The following CD8B variants were observed in gnomAD, a reference collection of about 807,000 sequenced individuals.
CD8B encodes T-cell surface glycoprotein CD8 beta chain.
Under a neutral mutation model 24.2 loss-of-function variants are expected in CD8B, and 6 were observed. The ratio of observed to expected loss-of-function variants is 0.25; its 90% CI spans 0.14 to 0.49. The LOEUF (loss-of-function observed/expected upper bound fraction) is 0.49. Ranked by LOEUF, CD8B falls within the 20% of genes least tolerant of loss-of-function variation. The pLI is 0.98. For missense variants in CD8B, 196 were observed against 271.3 expected, an observed-to-expected ratio of 0.72 and a Z score of 1.95; for synonymous variants, 84 against 108.3, an observed-to-expected ratio of 0.78 and a Z score of 1.39.
At chr2:86,846,927 A>ATTTTTT (rs60980294) in intron 3 of CD8B, among the ~76,000 whole-genome samples, 154 bp from the exon 4 acceptor site, 8 of 58,876 alleles carry the variant, frequency 1.4e-4, no homozygotes, top group Non-Finnish European at 2.2e-4. Context: ...TTCCTCAAGT[A>ATTTTTT]TTTTTTTTTT....
intron 5 of CD8B, among the ~76,000 whole-genome samples, chr2:86,819,549 G>C (rs972126261): frequency 6.6e-6 from 1 of 152,190 alleles, no homozygotes; most frequent in African/African-American, 2.4e-5. Flanking sequence ...CAGCACATCT[G>C]TTTAGAGCAT....
At chr2:86,855,723 T>G (rs72847714) in intron 2 of CD8B, among the ~76,000 whole-genome samples, 1 of 151,356 alleles carries the variant, frequency 6.6e-6, no homozygotes, top group African/African-American at 2.4e-5. Flanking sequence ...TCAATCCTCA[T>G]GGCCCTAGAA....
intron 5 of CD8B, chr2:86,821,866 G>A (rs1212815689): frequency 3.7e-6 from 1 of 267,370 alleles, no homozygotes; most frequent in African/African-American, 2.2e-5. Flanking sequence ...TAATTCCTTC[G>A]CTCCAGCTCG....
rs774522740 is a variant in CD8B at position 86,858,288 on chromosome 2, G to A, written c.172C>T (p.Arg58Cys). 22 of 1,613,872 alleles carry A rather than the reference G, an allele frequency of 1.4e-5. No homozygotes were observed. Among genetic ancestry groups the A allele is most frequent in the South Asian group, 9.9e-5 (9 of 91,076 alleles). Residue 58 changes from arginine (R) to cysteine (C), a missense_variant, in exon 2 of 6, where the codon CGC becomes TGC. Transcript: ENST00000390655. ...SNMRIYWLRQ[R>C]QAPSSDSHHE... ...TGACTGTCACTGCTCGGTGCCTGGCGCTGTCTCAGCCAGTAGATGCGCATG... is the reference window on the plus strand; with the variant it reads ...TGACTGTCACTGCTCGGTGCCTGGCACTGTCTCAGCCAGTAGATGCGCATG...
At chr2:86,852,214 A>G (rs1021660717) in intron 3 of CD8B, among the ~76,000 whole-genome samples, 8 of 152,146 alleles carry the variant, frequency 5.3e-5, no homozygotes, top group African/African-American at 1.9e-4. Context: ...CGATCCACCC[A>G]TCTGGGCCTC....
chr2:86,835,926 G>A (rs1451616880), downstream of CD8B, among the ~76,000 whole-genome samples: 1 of 151,996 alleles, frequency 6.6e-6, no homozygotes, highest in Non-Finnish European at 1.5e-5. Flanking sequence ...CCTTGAGCCT[G>A]TGTCCCCCCG....
intron 3 of CD8B, among the ~76,000 whole-genome samples, chr2:86,847,478 C>A (rs1675742950): frequency 6.6e-6 from 1 of 152,156 alleles, no homozygotes; most frequent in South Asian, 2.1e-4. Flanking sequence ...AATTAATCAC[C>A]ACTGATAATT....
At chr2:86,844,833 G>A (rs1675596307) in intron 5 of CD8B, 89 bp downstream of exon 5, 10 of 1,549,972 alleles carry the variant, frequency 6.5e-6, no homozygotes, top group African/African-American at 1.4e-5. Flanking sequence ...GGAAGATGAG[G>A]TCTGACTTTG....
rs1675368381 is a variant in CD8B at position 86,840,487 on chromosome 2, C to A, written c.*1820G>T. Among the ~76,000 whole-genome samples the A allele has an allele frequency of 6.6e-6, 1 of 152,202 alleles. No homozygotes were observed. Among genetic ancestry groups the A allele is most frequent in the South Asian group, 2.1e-4 (1 of 4,832 alleles). On this transcript the variant is annotated 3_prime_UTR_variant, in exon 6 of 6. Transcript: ENST00000390655. ...GACCAAGCACGGGCCATCCCTTCATCCGCATAGGGCGTCAATTCACCTCAG... is the reference window on the plus strand; with the variant it reads ...GACCAAGCACGGGCCATCCCTTCATACGCATAGGGCGTCAATTCACCTCAG...
At chr2:86,836,802 A>C (rs141395346), downstream of CD8B, among the ~76,000 whole-genome samples, 704 of 152,154 alleles carry the variant, frequency 4.6e-3, 7 homozygotes, top group African/African-American at 0.016. Flanking sequence ...TTGAGTGCAG[A>C]GTTGTGGGTA....
chr2:86,845,194 A>G, intron 4 of CD8B, among the ~76,000 whole-genome samples: 1 of 152,234 alleles, frequency 6.6e-6, no homozygotes, highest in East Asian at 1.9e-4. Context: ...ACACAGAGTG[A>G]GTGAATTACT....
At position 86,844,953 on chromosome 2, in the gene CD8B, G is replaced by A. The variant is rs751687141; in HGVS notation, c.589C>T (p.Arg197Trp). Residue 197 changes from arginine to tryptophan, a missense_variant, in exon 5 of 6, where the codon CGG (arginine) becomes TGG (tryptophan). By Grantham distance (101) the Arg-to-Trp change is moderately radical (BLOSUM62 -3). Coordinates refer to ENST00000390655, the MANE Select transcript of CD8B (RefSeq NM_004931.5). ...LGVAIHLCCR[R>W]RRARLRFMKQ... ...ATGAAACGAAGCCGGGCTCTCCTCC[G>A]CCGGCCTGGAAGAGGAAAGCAAGGG... The A allele has an allele frequency of 3.2e-5, 50 of 1,557,168 alleles. No homozygotes were observed. The highest frequency in any genetic ancestry group is 1.4e-4 in the African/African-American group (10 of 73,430).
intron 3 of CD8B, among the ~76,000 whole-genome samples, chr2:86,848,975 C>T (rs1200169299): frequency 2.6e-5 from 4 of 151,808 alleles, no homozygotes; most frequent in African/African-American, 9.7e-5. Context: ...CCTTGGCCTC[C>T]CAAAGTGCTG....
At chr2:86,844,740 T>C (rs1675590834) in intron 5 of CD8B, 182 bp downstream of exon 5, 1 of 1,530,956 alleles carries the variant, frequency 6.5e-7, no homozygotes, top group African/African-American at 1.4e-5. Context: ...ACTCCTGGGC[T>C]CAAGTGATCC....
At chr2:86,822,235 G>GAAAAA in intron 5 of CD8B, 1 of 580,012 alleles carries the variant, frequency 1.7e-6, no homozygotes, top group East Asian at 3.5e-5. Context: ...ACCCCAGCAG[G>GAAAAA]AAAAAAAAAA....
intron 5 of CD8B, chr2:86,815,740 G>A: frequency 7.9e-7 from 1 of 1,265,620 alleles, no homozygotes; most frequent in Non-Finnish European, 1.2e-6. Context: ...AAAAACAAGA[G>A]AGTCTCAATA....
chr2:86,821,302 T>C (rs545740742), intron 5 of CD8B, among the ~76,000 whole-genome samples: 4 of 152,146 alleles, frequency 2.6e-5, no homozygotes, highest in Non-Finnish European at 5.9e-5. Context: ...TTCGGATTTA[T>C]CAAATGTGGT....
chr2:86,821,663 T>C (rs902585330), intron 5 of CD8B: 2 of 387,800 alleles, frequency 5.2e-6, no homozygotes, highest in African/African-American at 2.1e-5. Context: ...AGGCATTGTT[T>C]TTAACCCAGT....
chr2:86,856,720 C>T (rs1211696269), intron 2 of CD8B, among the ~76,000 whole-genome samples: 2 of 151,702 alleles, frequency 1.3e-5, no homozygotes, highest in Non-Finnish European at 2.9e-5. Context: ...TGAGAGTTAC[C>T]ACCCATAACT....
Sources: gnomAD v4.1 joint callset for allele counts (sites outside exome capture counted in the v4.1 genomes callset) on GRCh38, gnomAD v4.1.1 for gene constraint, MANE v1.5 for transcripts, NCBI Gene and HGNC (gene_info 2026-07-23, HGNC 2026-07-21) for gene names.